Variants in ASIC2 observed in about 807,000 individuals in gnomAD.
ASIC2 encodes the protein acid sensing ion channel subunit 2.
Under a neutral mutation model 57.3 loss-of-function variants are expected in ASIC2, and 25 were observed. That is an observed-to-expected ratio of 0.44 (90% confidence interval 0.32 to 0.61). The LOEUF (loss-of-function observed/expected upper bound fraction) is 0.61, where lower values mean the gene tolerates loss of function less well. Among genes scored for constraint, ASIC2 ranks in the 20% least tolerant of loss-of-function variants. The pLI is 0.06. For synonymous variants in ASIC2, 319 were observed against 307.5 expected (o/e 1.04, Z -0.39); for missense variants, 641 against 738.1 (o/e 0.87, Z 1.52).
chr17:33,914,452 A>G (rs760903581), intron 1 of ASIC2, among the ~76,000 whole-genome samples: 3 of 152,186 alleles, frequency 2.0e-5, no homozygotes, highest in Admixed American at 6.5e-5. Context: ...AACCCAGTTC[A>G]GTCTCAGGGG....
intron 3 of ASIC2, among the ~76,000 whole-genome samples, chr17:33,076,143 T>TAA: frequency 6.6e-6 from 1 of 151,018 alleles, no homozygotes; most frequent in African/African-American, 2.4e-5. Flanking sequence ...CCAGGTAATT[T>TAA]AAAAAAAAAA....
chr17:33,490,168 AAGGT>A (rs1365078574), intron 1 of ASIC2, among the ~76,000 whole-genome samples: 2 of 152,234 alleles, frequency 1.3e-5, no homozygotes, highest in Non-Finnish European at 2.9e-5. Context: ...TTCACATTAT[AAGGT>A]AGAGTTAGGT....
chr17:33,125,018 A>T (rs1470002548), intron 1 of ASIC2, among the ~76,000 whole-genome samples: 1 of 152,232 alleles, frequency 6.6e-6, no homozygotes, highest in Non-Finnish European at 1.5e-5. Context: ...AGGCTGAGTC[A>T]GGCAGTAATG....
intron 3 of ASIC2, among the ~76,000 whole-genome samples, chr17:33,032,691 T>C (rs765177715): frequency 1.3e-5 from 2 of 152,156 alleles, no homozygotes; most frequent in Non-Finnish European, 2.9e-5. Flanking sequence ...TCAAATGACC[T>C]ACCTGCCTCA....
rs1467389585 is a variant in ASIC2 at position 33,721,214 on chromosome 17, C to T, written c.555+434764G>A. On this transcript the variant is annotated intron_variant, in intron 1 of 9. Coordinates refer to the ASIC2 transcript ENST00000359872. The stretch of plus-strand genomic sequence containing the variant: ...CAGTCTCTGCACAACCTGACCCCAT[C>T]TCTTGGTCTCTGTTTCCTGAATTCA... Among the ~76,000 whole-genome samples, 8 of 152,192 alleles carry T rather than the reference C, an allele frequency of 5.3e-5. 1 individual carries two copies. Among genetic ancestry groups the T allele is most frequent in the Admixed American group, 5.2e-4 (8 of 15,288 alleles).
chr17:33,613,936 C>G (rs1279318875), intron 1 of ASIC2, among the ~76,000 whole-genome samples: 1 of 152,140 alleles, frequency 6.6e-6, no homozygotes, highest in African/African-American at 2.4e-5. Flanking sequence ...GCTGTAGTGA[C>G]TATAATGAAT....
At chr17:33,258,166 G>A (rs1025446682) in intron 1 of ASIC2, among the ~76,000 whole-genome samples, 4 of 152,134 alleles carry the variant, frequency 2.6e-5, no homozygotes, top group East Asian at 1.9e-4. Context: ...CATTCATTAC[G>A]TGAATTCATT....
intron 1 of ASIC2, among the ~76,000 whole-genome samples, chr17:33,504,929 GT>G (rs1387177780): frequency 2.6e-5 from 4 of 152,256 alleles, no homozygotes; most frequent in Non-Finnish European, 5.9e-5. Context: ...GGCTATGGGG[GT>G]GAGGGAGTGG....
chr17:33,729,242 A>C (rs1027030027), intron 1 of ASIC2, among the ~76,000 whole-genome samples: 6 of 152,218 alleles, frequency 3.9e-5, no homozygotes, highest in African/African-American at 1.4e-4. Flanking sequence ...TCCCTTTTGA[A>C]AGAGGGAGCA....
At chr17:33,293,385 T>C (rs1817265970), upstream of ASIC2, among the ~76,000 whole-genome samples, 1 of 149,918 alleles carries the variant, frequency 6.7e-6, no homozygotes, top group Admixed American at 6.6e-5. Context: ...GCATTTTAAT[T>C]CCTGGCCACT....
intron 1 of ASIC2, among the ~76,000 whole-genome samples, chr17:33,688,148 C>A (rs1006334603): frequency 6.6e-6 from 1 of 152,296 alleles, no homozygotes; most frequent in East Asian, 1.9e-4. Context: ...TTTATCAAAG[C>A]AGAGGTAGCC....
intron 1 of ASIC2, among the ~76,000 whole-genome samples, chr17:33,474,692 C>A (rs371373564): frequency 5.3e-5 from 8 of 152,144 alleles, no homozygotes; most frequent in African/African-American, 1.9e-4. Flanking sequence ...TCTGGCCTGA[C>A]CAGAAGCTCA....
At chr17:33,360,163 A>G (rs750543163) in intron 1 of ASIC2, among the ~76,000 whole-genome samples, 1 of 152,208 alleles carries the variant, frequency 6.6e-6, no homozygotes, top group African/African-American at 2.4e-5. Flanking sequence ...ACTAGAGAAA[A>G]TATAGCCAGC....
chr17:33,701,505 A>T (rs1908701002), intron 1 of ASIC2, among the ~76,000 whole-genome samples: 1 of 152,186 alleles, frequency 6.6e-6, no homozygotes, highest in Non-Finnish European at 1.5e-5. Flanking sequence ...TCACTCTTAC[A>T]CAAGGGACAG....
intron 1 of ASIC2, among the ~76,000 whole-genome samples, chr17:33,891,697 T>C (rs1448886829): frequency 1.3e-5 from 2 of 152,210 alleles, no homozygotes; most frequent in Non-Finnish European, 2.9e-5. Flanking sequence ...TCTAACAAGA[T>C]GTTAAGGCAT....
At chr17:34,131,571 C>T (rs1911961845) in intron 1 of ASIC2, among the ~76,000 whole-genome samples, 1 of 152,244 alleles carries the variant, frequency 6.6e-6, no homozygotes, top group African/African-American at 2.4e-5. Context: ...TTACCCCTGC[C>T]TGGGCACGCA....
intron 1 of ASIC2, among the ~76,000 whole-genome samples, chr17:33,332,559 T>G (rs1392723335): frequency 6.6e-6 from 1 of 152,164 alleles, no homozygotes; most frequent in African/African-American, 2.4e-5. Flanking sequence ...AAGGCTGCTT[T>G]AGATGACTAT....
At chr17:33,577,837 G>A (rs1057180898) in intron 1 of ASIC2, among the ~76,000 whole-genome samples, 1 of 152,116 alleles carries the variant, frequency 6.6e-6, no homozygotes, top group Non-Finnish European at 1.5e-5. Flanking sequence ...CTACCCTTCT[G>A]CCTAGGGCCT....
intron 1 of ASIC2, among the ~76,000 whole-genome samples, chr17:33,265,855 T>A (rs1253663690): frequency 6.6e-6 from 1 of 152,072 alleles, no homozygotes; most frequent in Non-Finnish European, 1.5e-5. Context: ...ATCTCTATGT[T>A]CAAAGTATAT....
Sources: allele counts gnomAD v4.1 joint callset (sites outside exome capture counted in the v4.1 genomes callset), GRCh38; gene constraint gnomAD v4.1.1; transcripts MANE v1.5; gene names NCBI Gene and HGNC (gene_info 2026-07-23, HGNC 2026-07-21).